Variants in FOXP1 observed in about 807,000 individuals in gnomAD.
The protein encoded by FOXP1 is forkhead box protein P1.
FOXP1 carries 15 observed loss-of-function variants against 98.2 expected under a neutral mutation model. The ratio of observed to expected loss-of-function variants is 0.15; its 90% CI spans 0.10 to 0.24. The LOEUF (loss-of-function observed/expected upper bound fraction) is 0.24, where lower values mean the gene tolerates loss of function less well. Ranked by LOEUF, FOXP1 falls within the 10% of genes least tolerant of loss-of-function variation. FOXP1 has a pLI of 1.00. For missense variants in FOXP1, 633 were observed against 848.5 expected (o/e 0.75, Z 3.15); for synonymous variants, 371 against 314.5 (o/e 1.18, Z -1.90).
intron 6 of FOXP1, among the ~76,000 whole-genome samples, chr3:71,125,570 T>C (rs1346513717): frequency 5.9e-5 from 9 of 152,224 alleles, no homozygotes; most frequent in African/African-American, 2.2e-4. Context: ...AGTAACTCTT[T>C]AAGAGGGAAT....
intron 3 of FOXP1, among the ~76,000 whole-genome samples, chr3:71,396,980 A>ATATATATGTG (rs1560424618): frequency 3.7e-5 from 1 of 27,376 alleles, no homozygotes; most frequent in Non-Finnish European, 8.8e-5. Flanking sequence ...ATATATATAT[A>ATATATATGTG]TGTGTATATA....
At chr3:70,968,758 T>G (rs1041242638) in intron 19 of FOXP1, 1 of 152,224 alleles carries the variant, frequency 6.6e-6, no homozygotes, top group Non-Finnish European at 1.5e-5. Flanking sequence ...GTTCCACTAT[T>G]ATTTTTACTT....
At chr3:71,157,174 G>T (rs1418790249) in intron 6 of FOXP1, among the ~76,000 whole-genome samples, 1 of 152,182 alleles carries the variant, frequency 6.6e-6, no homozygotes, top group African/African-American at 2.4e-5. Context: ...ATGTTGATAG[G>T]ACAACCAAAC....
chr3:71,130,993 G>A (rs2059539342), intron 6 of FOXP1: 1 of 907,136 alleles, frequency 1.1e-6, no homozygotes. Flanking sequence ...AGGGTTTCGG[G>A]AAACCTGCTC....
In FOXP1 at chr3:71,265,039, G is replaced by A. The variant is rs926990422; in HGVS notation, c.-12+34781C>T. On this transcript the variant is annotated intron_variant, in intron 5 of 20. Transcript: ENST00000649528. Reference sequence around the variant, plus strand: ...GAGTGTGCACGTATACACACTCAGAGGTTCCAGCTGTAAGCTTCAGAGCAA... The same window carrying A: ...GAGTGTGCACGTATACACACTCAGAAGTTCCAGCTGTAAGCTTCAGAGCAA... Among the ~76,000 whole-genome samples, 15 of 152,174 alleles carry A rather than the reference G, an allele frequency of 9.9e-5. No homozygotes were observed. The East Asian group carries it at 2.3e-3, about 23-fold the overall frequency.
intron 7 of FOXP1, among the ~76,000 whole-genome samples, chr3:71,055,292 G>T (rs754336671): frequency 6.6e-6 from 1 of 152,296 alleles, no homozygotes; most frequent in East Asian, 1.9e-4. Context: ...CTTGTTTCAT[G>T]TGTGGGGATG....
intron 11 of FOXP1, among the ~76,000 whole-genome samples, chr3:71,027,889 G>C (rs920309328): frequency 2.0e-5 from 3 of 152,082 alleles, no homozygotes; most frequent in African/African-American, 7.2e-5. Context: ...GTGGTCACTG[G>C]CATTGACTGC....
intron 5 of FOXP1, among the ~76,000 whole-genome samples, chr3:71,233,695 C>A (rs1321583519): frequency 5.9e-5 from 9 of 151,462 alleles, no homozygotes; most frequent in East Asian, 1.9e-4. Flanking sequence ...CGCACCCCCC[C>A]AGCTGGTGCT....
At chr3:71,136,962 T>C (rs771183795) in intron 6 of FOXP1, among the ~76,000 whole-genome samples, 21 of 152,222 alleles carry the variant, frequency 1.4e-4, no homozygotes, top group Non-Finnish European at 2.8e-4. Flanking sequence ...CATAAGGATG[T>C]CATGCCTCCA....
At chr3:71,177,480 C>G (rs2062010416) in intron 6 of FOXP1, among the ~76,000 whole-genome samples, 1 of 152,098 alleles carries the variant, frequency 6.6e-6, no homozygotes, top group African/African-American at 2.4e-5. Context: ...GGGAGAAATC[C>G]TTTCAGAATG....
intron 3 of FOXP1, among the ~76,000 whole-genome samples, chr3:71,474,932 C>T (rs2089689416): frequency 6.6e-6 from 1 of 152,132 alleles, no homozygotes; most frequent in Admixed American, 6.5e-5. Flanking sequence ...GCCAACAAGG[C>T]TGGAGAACTG....
At chr3:71,498,083 C>T (rs2091537899) in intron 2 of FOXP1, among the ~76,000 whole-genome samples, 2 of 152,282 alleles carry the variant, frequency 1.3e-5, no homozygotes, top group South Asian at 4.1e-4. Context: ...CCAACGCTTT[C>T]CAAGTCCTGT....
chr3:71,001,226 T>C (rs943690689), intron 12 of FOXP1, among the ~76,000 whole-genome samples, 167 bp from the exon 13 acceptor site: 2 of 152,188 alleles, frequency 1.3e-5, no homozygotes, highest in Non-Finnish European at 2.9e-5. Context: ...GCTGTCATTA[T>C]GTATAATGTG....
chr3:71,412,232 A>G (rs1440172192), intron 3 of FOXP1, among the ~76,000 whole-genome samples: 1 of 152,022 alleles, frequency 6.6e-6, no homozygotes, highest in Non-Finnish European at 1.5e-5. Context: ...GCCTTTGGGC[A>G]AGTTATTTAA....
At chr3:71,016,253 C>G (rs890437356) in intron 11 of FOXP1, among the ~76,000 whole-genome samples, 1 of 152,002 alleles carries the variant, frequency 6.6e-6, no homozygotes, top group Non-Finnish European at 1.5e-5. Context: ...CCTAAAATTC[C>G]TAACACCAAC....
At chr3:70,986,021 T>C (rs897641208) in intron 14 of FOXP1, among the ~76,000 whole-genome samples, 1 of 152,216 alleles carries the variant, frequency 6.6e-6, no homozygotes, top group Non-Finnish European at 1.5e-5. Flanking sequence ...TAAGAGATAA[T>C]GTTGACTAGT....
intron 5 of FOXP1, among the ~76,000 whole-genome samples, chr3:71,233,688 A>AC (rs34316675): frequency 0.11 from 15,543 of 141,354 alleles, 1,064 homozygotes; most frequent in Middle Eastern, 0.23. Flanking sequence ...TCGGCCTCGC[A>AC]CCCCCCCAGC....
intron 3 of FOXP1, among the ~76,000 whole-genome samples, chr3:71,365,451 CAAAA>C (rs1209204141): frequency 1.2e-5 from 1 of 80,150 alleles, no homozygotes; most frequent in African/African-American, 4.5e-5. Context: ...TTGCAACAAC[CAAAA>C]AAAAAAAAAA....
At chr3:70,977,238 A>G (rs1284064549) in intron 16 of FOXP1, among the ~76,000 whole-genome samples, 196 bp from the exon 17 acceptor site, 2 of 152,078 alleles carry the variant, frequency 1.3e-5, no homozygotes, top group Admixed American at 6.5e-5. Context: ...AATTGTTTTG[A>G]GTTTTTATTT....
Sources: allele counts gnomAD v4.1 joint callset (sites outside exome capture counted in the v4.1 genomes callset), GRCh38; gene constraint gnomAD v4.1.1; transcripts MANE v1.5; gene names NCBI Gene and HGNC (gene_info 2026-07-23, HGNC 2026-07-21).